The following LRRFIP1 variants were observed in gnomAD, a reference collection of about 807,000 sequenced individuals.
LRRFIP1 encodes LRR binding FLII interacting protein 1.
In LRRFIP1, 62 loss-of-function variants were observed where a neutral mutation model predicts 104.4. The ratio of observed to expected loss-of-function variants is 0.59; its 90% CI spans 0.48 to 0.73. LRRFIP1 has a LOEUF of 0.73. Ranked by LOEUF, LRRFIP1 falls within the 30% of genes least tolerant of loss-of-function variation. The probability of loss-of-function intolerance (pLI) is 0.00; values close to 1 mark genes in which losing one functional copy is unlikely to be tolerated. For missense variants in LRRFIP1, 796 were observed against 824.5 expected (o/e 0.97, Z 0.42); for synonymous variants, 300 against 299.0 (o/e 1.00, Z -0.03).
intron 1 of LRRFIP1, among the ~76,000 whole-genome samples, chr2:237,678,046 G>A (rs1425313471): frequency 2.0e-5 from 3 of 152,126 alleles, no homozygotes; most frequent in Admixed American, 6.5e-5. Context: ...CCTACACCAT[G>A]GGAGGGTCTC....
intron 11 of LRRFIP1, among the ~76,000 whole-genome samples, chr2:237,745,567 T>C (rs2057730513): frequency 6.6e-6 from 1 of 152,206 alleles, no homozygotes; most frequent in South Asian, 2.1e-4. Context: ...AGCAAAACCA[T>C]GCAGAACAAA....
At chr2:237,738,844 A>C (rs1279427915) in intron 10 of LRRFIP1, among the ~76,000 whole-genome samples, 1 of 152,222 alleles carries the variant, frequency 6.6e-6, no homozygotes, top group East Asian at 1.9e-4. Flanking sequence ...CTAAAGCGCC[A>C]AGCGCCCTGT....
At chr2:237,715,432 A>G (rs563356217) in intron 3 of LRRFIP1, among the ~76,000 whole-genome samples, 5 of 152,332 alleles carry the variant, frequency 3.3e-5, no homozygotes, top group African/African-American at 7.2e-5. Context: ...GAGGGGCTCT[A>G]TCTGGTCGTT....
chr2:237,641,055 A>G (rs1160245310), intron 1 of LRRFIP1, among the ~76,000 whole-genome samples: 1 of 152,186 alleles, frequency 6.6e-6, no homozygotes, highest in Non-Finnish European at 1.5e-5. Flanking sequence ...CCTCTCACTA[A>G]TTGAAAATTC....
At position 237,735,264 on chromosome 2, in the gene LRRFIP1, G is replaced by T. The variant is rs3769078; in HGVS notation, c.490-4G>T. ...CCCATCCTGACAGTCTCTTTTGGTC[G>T]CAGGCGTCTGTGTTGGATGAAGGCA... On this transcript the variant is annotated splice_region_variant and splice_polypyrimidine_tract_variant and intron_variant, in intron 9 of 23. Coordinates refer to ENST00000308482, the MANE Select transcript of LRRFIP1 (RefSeq NM_001137550.2). This position sits in a 1 kb window ranked among gnomAD's most constrained non-coding sequence, Gnocchi z 4.6. 2.7e-5 allele frequency: 44 copies of T among 1,612,512 alleles called. No individual in the cohort carries two copies. Among genetic ancestry groups the T allele is most frequent in the Non-Finnish European group, 3.5e-5 (41 of 1,179,408 alleles).
chr2:237,631,681 T>C (rs554787727), intron 1 of LRRFIP1, among the ~76,000 whole-genome samples: 4 of 152,308 alleles, frequency 2.6e-5, no homozygotes, highest in Admixed American at 1.3e-4. Flanking sequence ...TTTGGTAGCA[T>C]CCCAAACTTC....
At chr2:237,746,493 T>C (rs932775412) in intron 11 of LRRFIP1, among the ~76,000 whole-genome samples, 9 of 152,204 alleles carry the variant, frequency 5.9e-5, no homozygotes, top group Admixed American at 2.0e-4. Context: ...CCAAATGAGA[T>C]GGTGCCCATC....
At chr2:237,695,790 A>C (rs1336569188) in intron 1 of LRRFIP1, among the ~76,000 whole-genome samples, 2 of 151,708 alleles carry the variant, frequency 1.3e-5, no homozygotes, top group Non-Finnish European at 2.9e-5. Flanking sequence ...GCTTGTTTTC[A>C]TGGAATGGAC....
chr2:237,762,649 G>A (rs781013572), intron 19 of LRRFIP1: 1 of 1,610,376 alleles, frequency 6.2e-7, no homozygotes, highest in East Asian at 2.2e-5. Flanking sequence ...TGGCGAATGT[G>A]GGGAAAAGAG....
At chr2:237,651,630 C>T (rs973694093) in intron 1 of LRRFIP1, among the ~76,000 whole-genome samples, 1 of 152,120 alleles carries the variant, frequency 6.6e-6, no homozygotes, top group South Asian at 2.1e-4. Flanking sequence ...TTCCTCTCTC[C>T]TCTGTATTTC....
intron 11 of LRRFIP1, among the ~76,000 whole-genome samples, chr2:237,742,979 G>C (rs1043820020): frequency 1.3e-5 from 2 of 151,626 alleles, no homozygotes; most frequent in Non-Finnish European, 2.9e-5. Flanking sequence ...GCTTCCCCTG[G>C]AAAGAGGGGT....
Position 237,717,186 on chromosome 2 carries a change from CCT to C in LRRFIP1, c.202-573_202-572del, listed in dbSNP as rs2094368328. Among the ~76,000 whole-genome samples, 1 of 152,094 alleles carries C rather than the reference CCT, an allele frequency of 6.6e-6. No homozygotes were observed. The highest frequency in any genetic ancestry group is 1.9e-4 in the East Asian group (1 of 5,196). On this transcript the variant is annotated intron_variant, in intron 3 of 23. Coordinates refer to ENST00000308482, the MANE Select transcript of LRRFIP1 (RefSeq NM_001137550.2). The surrounding 1 kb of genome is among the most constrained non-coding windows in gnomAD (Gnocchi z 4.2). ...TGCATATTTTTCTTCTGTACAAAGA[CCT>C]CTTCTGTAGGTGGCAGTCATCTCTC...
At chr2:237,707,355 C>G (rs1478660744) in intron 1 of LRRFIP1, among the ~76,000 whole-genome samples, 4 of 149,656 alleles carry the variant, frequency 2.7e-5, no homozygotes, top group Admixed American at 6.7e-5. Context: ...GTTGCTAGAG[C>G]TCAGGAGTTC....
chr2:237,751,329 A>G, intron 14 of LRRFIP1, 58 bp downstream of exon 14: 2 of 1,354,586 alleles, frequency 1.5e-6, no homozygotes, highest in Non-Finnish European at 2.0e-6. Flanking sequence ...TTAAAAAAAA[A>G]AACAACATCC....
rs763491165 is a variant in LRRFIP1 at position 237,762,858 on chromosome 2, C to T, written c.1459+2653C>T. On this transcript the variant is annotated intron_variant, in intron 19 of 23. Transcript: ENST00000308482. ...CAAATTCTTGAGAGCAGTTCTCTCC[C>T]TGAAAACACAGTACAGGTTGAGTCA... is the stretch of plus-strand genomic sequence containing the variant. 6 of 1,614,176 alleles carry T rather than the reference C, an allele frequency of 3.7e-6. No individual in the cohort carries two copies. In the South Asian group the frequency reaches 5.5e-5, roughly 15 times the overall value.
At position 237,746,350 on chromosome 2, in the gene LRRFIP1, C is replaced by T. The variant is rs146457135; in HGVS notation, c.634-2014C>T. On this transcript the variant is annotated intron_variant, in intron 11 of 23. Transcript: ENST00000308482. ...CTGGGATTACAGACAGGAGCTACCGCGCCTGGCCTTGAAATTTTGATTTGA... is the reference window on the plus strand; with the variant it reads ...CTGGGATTACAGACAGGAGCTACCGTGCCTGGCCTTGAAATTTTGATTTGA... Among the ~76,000 whole-genome samples, 56 of 152,244 alleles carry T rather than the reference C, an allele frequency of 3.7e-4. 1 individual carries two copies. The South Asian group carries it at 6.9e-3, about 19-fold the overall frequency.
intron 1 of LRRFIP1, among the ~76,000 whole-genome samples, chr2:237,654,845 C>T (rs1309286627): frequency 1.3e-5 from 2 of 152,036 alleles, no homozygotes; most frequent in African/African-American, 2.4e-5. Context: ...CCACCACTCC[C>T]GGCCTGTTGA....
intron 1 of LRRFIP1, among the ~76,000 whole-genome samples, chr2:237,647,258 C>T (rs1179714872): frequency 3.3e-5 from 5 of 151,954 alleles, no homozygotes; most frequent in African/African-American, 7.2e-5. Flanking sequence ...AGGCCATTGG[C>T]GGTGTGCAGG....
At chr2:237,719,690 AACTAAT>A (rs1232103528) in intron 5 of LRRFIP1, 123 bp downstream of exon 5, 1 of 604,666 alleles carries the variant, frequency 1.7e-6, no homozygotes, top group East Asian at 2.9e-5. Context: ...TAAAGAAATT[AACTAAT>A]ACTATTAATG....
Sources: allele counts gnomAD v4.1 joint callset (sites outside exome capture counted in the v4.1 genomes callset), GRCh38; gene constraint gnomAD v4.1.1; non-coding constraint Gnocchi (gnomAD v3.1); transcripts MANE v1.5; gene names NCBI Gene and HGNC (gene_info 2026-07-23, HGNC 2026-07-21).